DAB1: variants seen among roughly 807,000 people sequenced by gnomAD.
DAB1 encodes the protein disabled homolog 1.
In DAB1, 15 loss-of-function variants were observed where a neutral mutation model predicts 64.6. The observed-to-expected ratio is 0.23, with a 90% CI of 0.16 to 0.36. The LOEUF (loss-of-function observed/expected upper bound fraction) is 0.36, where lower values mean the gene tolerates loss of function less well. DAB1 is among the 10% of genes least tolerant of loss of function. The pLI is 1.00. For synonymous variants in DAB1, 235 were observed against 251.9 expected (o/e 0.93, Z 0.64); for missense variants, 596 against 706.7 (o/e 0.84, Z 1.78).
intron 2 of DAB1, among the ~76,000 whole-genome samples, chr1:57,272,682 G>C (rs1002091767): frequency 1.3e-5 from 2 of 152,164 alleles, no homozygotes; most frequent in African/African-American, 4.8e-5. Flanking sequence ...TCTAAAGACA[G>C]TAATGCAATT....
chr1:57,564,403 C>A (rs1286283856), intron 7 of DAB1, among the ~76,000 whole-genome samples: 3 of 152,168 alleles, frequency 2.0e-5, no homozygotes, highest in Non-Finnish European at 4.4e-5. Flanking sequence ...AGGAACACAG[C>A]CCCTCGCCAG....
At chr1:57,781,126 C>CTCTCTCTCTATA (rs1557477160) in intron 6 of DAB1, among the ~76,000 whole-genome samples, 1 of 27,712 alleles carries the variant, frequency 3.6e-5, no homozygotes, top group Non-Finnish European at 6.4e-5. Context: ...CTCTCTCTCT[C>CTCTCTCTCTATA]TATATATATA....
At chr1:57,321,484 G>A (rs1343297678) in intron 1 of DAB1, among the ~76,000 whole-genome samples, 2 of 144,932 alleles carry the variant, frequency 1.4e-5, no homozygotes, top group Non-Finnish European at 1.5e-5. Flanking sequence ...CTACTCTTTC[G>A]ACTCCCAAGC....
rs1478806435 is a variant in DAB1 at position 57,611,010 on chromosome 1, A to G, written n.625+38582T>C. Among the ~76,000 whole-genome samples the G allele has an allele frequency of 2.6e-5, 4 of 152,218 alleles. No individual in the cohort carries two copies. In the South Asian group the frequency reaches 8.3e-4, roughly 31 times the overall value. On this transcript the variant is annotated intron_variant and non_coding_transcript_variant, in intron 7 of 20. Transcript: ENST00000485760. Reference sequence around the variant, plus strand: ...TTCTTTTGGACTATAAACTCCTGGAAGGCAGATGCTTATCTAGCAACCCTC... The same window carrying G: ...TTCTTTTGGACTATAAACTCCTGGAGGGCAGATGCTTATCTAGCAACCCTC...
intron 7 of DAB1, among the ~76,000 whole-genome samples, chr1:57,617,789 C>G (rs1645806368): frequency 6.6e-6 from 1 of 152,190 alleles, no homozygotes; most frequent in Non-Finnish European, 1.5e-5. Flanking sequence ...CCAAGACTCA[C>G]CTGTGCTTGT....
chr1:57,722,863 T>C (rs1647167811), intron 6 of DAB1, among the ~76,000 whole-genome samples: 2 of 152,132 alleles, frequency 1.3e-5, no homozygotes. Context: ...ACTCAGATCA[T>C]CTGAGTTATC....
chr1:57,010,872 C>T (rs1001036511), intron 13 of DAB1, 82 bp from the exon 14 acceptor site: 4 of 1,067,614 alleles, frequency 3.7e-6, no homozygotes, highest in East Asian at 2.5e-5. Flanking sequence ...TACTTTCATG[C>T]AGCACAATCA....
chr1:58,383,310 T>C (rs747088310), intron 3 of DAB1, among the ~76,000 whole-genome samples: 13 of 152,188 alleles, frequency 8.5e-5, no homozygotes, highest in Admixed American at 2.0e-4. Context: ...AGAGAGTATA[T>C]GCTCATGAGA....
chr1:58,355,179 T>A (rs910984611), intron 3 of DAB1, among the ~76,000 whole-genome samples: 1 of 152,128 alleles, frequency 6.6e-6, no homozygotes, highest in Admixed American at 6.6e-5. Flanking sequence ...AAAAATGCAA[T>A]TGAGGGAAGC....
rs1049923271 is a variant in DAB1 at position 57,677,002 on chromosome 1, G to C, written n.552-27337C>G. ...TCCATTGTGACTGTATATGGAGATA[G>C]GGCTGACAAGAAGGTAATTAAGGTT... On this transcript the variant is annotated intron_variant and non_coding_transcript_variant, in intron 6 of 20. Coordinates refer to the DAB1 transcript ENST00000485760. 7.9e-5 allele frequency among the ~76,000 whole-genome samples: 12 copies of C among 152,272 alleles called. 1 individual carries two copies. In the East Asian group the frequency reaches 1.4e-3, roughly 17 times the overall value.
At chr1:57,206,829 C>A (rs1027022945) in intron 2 of DAB1, among the ~76,000 whole-genome samples, 5 of 152,002 alleles carry the variant, frequency 3.3e-5, no homozygotes, top group Non-Finnish European at 5.9e-5. Context: ...CTGATTTAGC[C>A]CCTTTTTCAT....
At chr1:57,471,742 T>C (rs1200823096) in intron 7 of DAB1, among the ~76,000 whole-genome samples, 8 of 152,256 alleles carry the variant, frequency 5.3e-5, no homozygotes, top group Non-Finnish European at 1.2e-4. Flanking sequence ...ATTAAACCTC[T>C]TTCTTTTGTA....
chr1:57,709,880 C>T (rs1647008105), intron 6 of DAB1, among the ~76,000 whole-genome samples: 1 of 152,140 alleles, frequency 6.6e-6, no homozygotes, highest in Non-Finnish European at 1.5e-5. Flanking sequence ...GTTCAACATA[C>T]CTAGCTTCCA....
chr1:58,248,084 T>A (rs1025418173), intron 4 of DAB1, among the ~76,000 whole-genome samples: 1 of 149,644 alleles, frequency 6.7e-6, no homozygotes, highest in Non-Finnish European at 1.5e-5. Context: ...GAGTCCAAAT[T>A]CAAGAAAAAA....
At chr1:58,309,337 A>G (rs1287596725) in intron 4 of DAB1, among the ~76,000 whole-genome samples, 3 of 152,090 alleles carry the variant, frequency 2.0e-5, no homozygotes, top group East Asian at 1.9e-4. Context: ...TACCCTTCCC[A>G]TGGGCCGCTT....
At chr1:58,315,886 A>C (rs1662547301) in intron 4 of DAB1, among the ~76,000 whole-genome samples, 1 of 152,200 alleles carries the variant, frequency 6.6e-6, no homozygotes, top group African/African-American at 2.4e-5. Context: ...TAAATCTGAA[A>C]TGGTGATTCC....
At chr1:58,453,430 G>T (rs527883786) in intron 3 of DAB1, among the ~76,000 whole-genome samples, 1 of 152,122 alleles carries the variant, frequency 6.6e-6, no homozygotes, top group Non-Finnish European at 1.5e-5. Flanking sequence ...ATTCCTACTC[G>T]CGAGTCTTTG....
intron 6 of DAB1, among the ~76,000 whole-genome samples, chr1:57,702,587 G>C (rs2101732459): frequency 6.6e-6 from 1 of 152,190 alleles, no homozygotes; most frequent in South Asian, 2.1e-4. Context: ...TCTCCGTTAT[G>C]CTACTTATTT....
chr1:57,511,383 C>T (rs1644403582), intron 7 of DAB1, among the ~76,000 whole-genome samples: 1 of 152,338 alleles, frequency 6.6e-6, no homozygotes, highest in Middle Eastern at 3.4e-3. Context: ...CTGTTTCCCA[C>T]CCCTGGGCCT....
Sources: gnomAD v4.1 joint callset for allele counts (sites outside exome capture counted in the v4.1 genomes callset) on GRCh38, gnomAD v4.1.1 for gene constraint, MANE v1.5 for transcripts, NCBI Gene and HGNC (gene_info 2026-07-23, HGNC 2026-07-21) for gene names.